CAV1: variants seen among roughly 807,000 people sequenced by gnomAD.
CAV1 encodes caveolin 1, also known as caveolin-1.
Under a neutral mutation model 16.5 loss-of-function variants are expected in CAV1, and 10 were observed. The ratio of observed to expected loss-of-function variants is 0.61; its 90% CI spans 0.37 to 1.03. The LOEUF is 1.03. Among genes scored for constraint, CAV1 ranks in the 50% least tolerant of loss-of-function variants. The pLI is 0.01. For missense variants in CAV1, 212 were observed against 232.8 expected, an observed-to-expected ratio of 0.91 and a Z score of 0.58; for synonymous variants, 76 against 85.1, an observed-to-expected ratio of 0.89 and a Z score of 0.59.
At chr7:116,558,694 A>G (rs977054285) in intron 2 of CAV1, among the ~76,000 whole-genome samples, 2 of 152,134 alleles carry the variant, frequency 1.3e-5, no homozygotes, top group East Asian at 3.9e-4. Flanking sequence ...TCGAAGCTGC[A>G]GTGAGCCATG....
intron 2 of CAV1, among the ~76,000 whole-genome samples, chr7:116,542,149 A>G (rs1337988869): frequency 2.0e-5 from 3 of 152,246 alleles, no homozygotes; most frequent in Non-Finnish European, 2.9e-5. Context: ...ATGAAGCATT[A>G]TCTGTATGGC....
At chr7:116,533,363 AAAAT>A (rs1165695746) in intron 2 of CAV1, among the ~76,000 whole-genome samples, 1 of 63,872 alleles carries the variant, frequency 1.6e-5, no homozygotes, top group African/African-American at 6.8e-5. Context: ...AAAATAAAAT[AAAAT>A]AAAATAAAAT....
At chr7:116,550,766 C>CT (rs1301241992) in intron 2 of CAV1, among the ~76,000 whole-genome samples, 6 of 152,010 alleles carry the variant, frequency 3.9e-5, no homozygotes, top group Admixed American at 6.5e-5. Context: ...TGTATTTAAT[C>CT]TTTTTTTAAA....
rs535424453 is a variant in CAV1, at chr7:116,525,357, T to C, written c.30+265T>C. On this transcript the variant is annotated intron_variant, in intron 1 of 2. Transcript: ENST00000341049. ...GGAAAAGGGGATTGGGGTCCTGAGA[T>C]TGGGTCTGTTGGGCCCAGGACGCGT... is the stretch of plus-strand genomic sequence containing the variant. 9.9e-4 allele frequency: 1,529 copies of C among 1,538,840 alleles called. 22 individuals are homozygous for C. The South Asian group carries it at 0.017, about 18-fold the overall frequency.
intron 2 of CAV1, among the ~76,000 whole-genome samples, chr7:116,549,005 C>T (rs1475711001): frequency 6.6e-6 from 1 of 152,200 alleles, no homozygotes; most frequent in Non-Finnish European, 1.5e-5. Flanking sequence ...GCATCCCTCC[C>T]ACCCATGCCA....
At chr7:116,555,580 GA>G (rs1244560369) in intron 2 of CAV1, among the ~76,000 whole-genome samples, 18 of 70,128 alleles carry the variant, frequency 2.6e-4, no homozygotes, top group Admixed American at 5.4e-4. Context: ...AAGAAAGAAA[GA>G]AAGAAAGAAA....
intron 2 of CAV1, among the ~76,000 whole-genome samples, chr7:116,533,890 T>A (rs1365741035): frequency 6.6e-6 from 1 of 152,186 alleles, no homozygotes; most frequent in Non-Finnish European, 1.5e-5. Context: ...GTAATTAAAT[T>A]GTAGAAAATA....
rs1554357869 is a variant in CAV1 at position 116,555,518 on chromosome 7, A to AAGAAAGAAAG, written c.196-3425_196-3424insAAGAAAGAGA. 4.6e-3 allele frequency among the ~76,000 whole-genome samples: 65 copies of AAGAAAGAAAG among 14,050 alleles called. 21 individuals are homozygous for AAGAAAGAAAG. The highest frequency in any genetic ancestry group is 0.038 in the Middle Eastern group (1 of 26). The allele number at this position is 14,050 out of a possible 152,430, so 9.2% of individuals were successfully genotyped here. On this transcript the variant is annotated intron_variant, in intron 2 of 2. Transcript: ENST00000341049. Reference sequence around the variant, plus strand: ...AAAGAAAGAAAGAAAGAAAGAAAGAAAGAGAGAGAGAGAGAGAGAGAGAGA... The same window carrying AAGAAAGAAAG: ...AAAGAAAGAAAGAAAGAAAGAAAGAAAGAAAGAAAGAGAGAGAGAGAGAGAGAGAGAGAGA...
intron 1 of CAV1, chr7:116,526,058 A>C: frequency 5.2e-6 from 1 of 192,650 alleles, no homozygotes; most frequent in Non-Finnish European, 9.5e-6. Flanking sequence ...TTACCGGGGC[A>C]GGGGTAATAG....
chr7:116,559,855 ATCC>A lies in CAV1; in HGVS notation c.*569_*571del. On this transcript the variant is annotated 3_prime_UTR_variant, in exon 3 of 3. Coordinates refer to ENST00000341049, the MANE Select transcript of CAV1 (RefSeq NM_001753.5). ...AAACATAATCTTCTGCCTTCTCATG[ATCC>A]AACTAATGCCTTACTCTTCTTGAAA... 2.5e-6 allele frequency: 1 copy of A among 401,468 alleles called. No homozygotes were observed. Among genetic ancestry groups the A allele is most frequent in the East Asian group, 3.6e-5 (1 of 28,100 alleles). The allele number at this position is 401,468 out of a possible 1,614,324, so 24.9% of individuals were successfully genotyped here. A position where few individuals can be genotyped will look rare whatever the true frequency, so the allele number is the denominator to read the frequency against.
chr7:116,549,353 C>T (rs1794113454), intron 2 of CAV1, among the ~76,000 whole-genome samples: 1 of 152,178 alleles, frequency 6.6e-6, no homozygotes, highest in South Asian at 2.1e-4. Context: ...ACAAAACATG[C>T]TTCAACCTAT....
At chr7:116,534,823 G>T (rs1793774466) in intron 2 of CAV1, among the ~76,000 whole-genome samples, 4 of 152,116 alleles carry the variant, frequency 2.6e-5, no homozygotes, top group African/African-American at 9.7e-5. Flanking sequence ...TGTACCCAAG[G>T]TTGGCTAAAA....
In CAV1 at chr7:116,540,062, G is replaced by C. The variant is rs1301083222; in HGVS notation, c.195+13373G>C. Among the ~76,000 whole-genome samples, 8 of 152,162 alleles carry C rather than the reference G, an allele frequency of 5.3e-5. No individual in the cohort carries two copies. The East Asian group carries it at 1.5e-3, about 29-fold the overall frequency. On this transcript the variant is annotated intron_variant, in intron 2 of 2. Transcript: ENST00000341049. ...AAGGCCACAGCTTTGAGAAACCGAA[G>C]CCTCTGCTTCCTTCTCTTTGGCTTT...
At chr7:116,535,298 G>A (rs557988497) in intron 2 of CAV1, among the ~76,000 whole-genome samples, 43 of 152,316 alleles carry the variant, frequency 2.8e-4, no homozygotes, top group Admixed American at 7.2e-4. Context: ...TTCCAGGCAT[G>A]TCAGGCCTTT....
intron 2 of CAV1, among the ~76,000 whole-genome samples, chr7:116,534,395 A>ATATATATATATATTTTTTTTT (rs1442237865): frequency 1.3e-4 from 1 of 7,832 alleles, no homozygotes; most frequent in Non-Finnish European, 2.6e-4. Context: ...ATATATATAT[A>ATATATATATATATTTTTTTTT]TTTTTTTTTT....
intron 2 of CAV1, among the ~76,000 whole-genome samples, chr7:116,531,379 GCA>G (rs952101606): frequency 1.3e-5 from 2 of 152,114 alleles, no homozygotes; most frequent in Non-Finnish European, 2.9e-5. Flanking sequence ...TCTTAAATAT[GCA>G]CAGACACAAA....
rs1234683947 is a variant in CAV1, at chr7:116,534,534, G to A, written c.195+7845G>A. On this transcript the variant is annotated intron_variant, in intron 2 of 2. Coordinates refer to ENST00000341049, the MANE Select transcript of CAV1 (RefSeq NM_001753.5). ...CCTGCCTCAGCCTCCCAAGTAGCTGGGACTACAGGCGCCCGCCACCACGGC... is the reference window on the plus strand; with the variant it reads ...CCTGCCTCAGCCTCCCAAGTAGCTGAGACTACAGGCGCCCGCCACCACGGC... 9.5e-5 allele frequency among the ~76,000 whole-genome samples: 14 copies of A among 147,212 alleles called. No homozygotes were observed. In the East Asian group the frequency reaches 2.5e-3, roughly 27 times the overall value.
At chr7:116,552,787 A>G (rs992190201) in intron 2 of CAV1, among the ~76,000 whole-genome samples, 2 of 152,210 alleles carry the variant, frequency 1.3e-5, no homozygotes, top group African/African-American at 4.8e-5. Flanking sequence ...CATTGGCCAG[A>G]ACTGAGTCAC....
chr7:116,528,544 G>A (rs758790173), intron 2 of CAV1, among the ~76,000 whole-genome samples: 1 of 152,182 alleles, frequency 6.6e-6, no homozygotes, highest in East Asian at 1.9e-4. Context: ...GAATTTGGCA[G>A]TCTCACTCAG....
Sources: gnomAD v4.1 joint callset for allele counts (sites outside exome capture counted in the v4.1 genomes callset) on GRCh38, gnomAD v4.1.1 for gene constraint, MANE v1.5 for transcripts, NCBI Gene and HGNC (gene_info 2026-07-23, HGNC 2026-07-21) for gene names.